The following MARK4 variants were observed in gnomAD, a reference collection of about 807,000 sequenced individuals.
The protein encoded by MARK4 is MAP/microtubule affinity-regulating kinase 4.
Under a neutral mutation model 81.5 loss-of-function variants are expected in MARK4, and 19 were observed. The ratio of observed to expected loss-of-function variants is 0.23; its 90% CI spans 0.16 to 0.34. The LOEUF (loss-of-function observed/expected upper bound fraction) is 0.34, where lower values mean the gene tolerates loss of function less well. Ranked by LOEUF, MARK4 falls within the 10% of genes least tolerant of loss-of-function variation. MARK4 has a pLI of 1.00. For synonymous variants in MARK4, 436 were observed against 439.0 expected, an observed-to-expected ratio of 0.99 and a Z score of 0.08; for missense variants, 772 against 1,058.8, an observed-to-expected ratio of 0.73 and a Z score of 3.76.
chr19:45,278,357 G>A (rs557866202), intron 9 of MARK4, among the ~76,000 whole-genome samples, 159 bp from the exon 10 acceptor site: 1 of 152,260 alleles, frequency 6.6e-6, no homozygotes, highest in African/African-American at 2.4e-5. Flanking sequence ...GGCTCCGGCA[G>A]GGGACGTGGG....
chr19:45,265,662 G>T (rs925160735), intron 6 of MARK4, among the ~76,000 whole-genome samples: 21 of 150,716 alleles, frequency 1.4e-4, no homozygotes, highest in Admixed American at 7.3e-4. Flanking sequence ...GTATGAAGGT[G>T]CCCAGGTGTG....
chr19:45,262,037 T>G (rs115011189), intron 2 of MARK4, among the ~76,000 whole-genome samples: 1 of 152,122 alleles, frequency 6.6e-6, no homozygotes, highest in African/African-American at 2.4e-5. Context: ...AAGTTGTGTT[T>G]AAGAGGTAGA....
chr19:45,300,206 G>GT (rs1268639805), intron 16 of MARK4, among the ~76,000 whole-genome samples: 2 of 152,044 alleles, frequency 1.3e-5, no homozygotes, highest in Non-Finnish European at 2.9e-5. Flanking sequence ...TTAGCCGGGC[G>GT]TAGTGGCGCA....
At chr19:45,295,921 T>TA (rs1970881479) in intron 14 of MARK4, among the ~76,000 whole-genome samples, 1 of 152,180 alleles carries the variant, frequency 6.6e-6, no homozygotes, top group South Asian at 2.1e-4. Context: ...TTTTGGTGGT[T>TA]ATCAAATAAC....
At position 45,294,459 on chromosome 19, in the gene MARK4, AG is replaced by A. The variant is rs1331155621; in HGVS notation, c.1598+12del. The A allele has an allele frequency of 6.8e-6, 11 of 1,612,272 alleles. No individual in the cohort carries two copies. Among genetic ancestry groups the A allele is most frequent in the Admixed American group, 1.7e-5 (1 of 59,944 alleles). On this transcript the variant is annotated splice_region_variant and intron_variant, in intron 14 of 16. Transcript: ENST00000262891. The stretch of plus-strand genomic sequence containing the variant: ...CAAATGGGAAAGAAAACAGGTACGG[AG>A]GGGGCAGCAACAGGGTGAGGGGTGG...
At chr19:45,268,450 G>A (rs1358741586) in intron 7 of MARK4, among the ~76,000 whole-genome samples, 1 of 151,986 alleles carries the variant, frequency 6.6e-6, no homozygotes, top group African/African-American at 2.4e-5. Flanking sequence ...TGGTCGTTGT[G>A]GCGCGTGCCT....
intron 13 of MARK4, 117 bp downstream of exon 13, chr19:45,287,781 CCATT>C: frequency 4.3e-6 from 5 of 1,167,106 alleles, no homozygotes; most frequent in Middle Eastern, 1.9e-4. Flanking sequence ...CTTCTTCTAC[CCATT>C]CATTCATTCA....
At chr19:45,277,063 TG>T (rs1970607345) in intron 8 of MARK4, among the ~76,000 whole-genome samples, 1 of 151,876 alleles carries the variant, frequency 6.6e-6, no homozygotes, top group African/African-American at 2.4e-5. Context: ...CCCTCTTACC[TG>T]ACTTAGAGAA....
intron 14 of MARK4, among the ~76,000 whole-genome samples, chr19:45,296,074 A>G (rs1221780855): frequency 1.3e-5 from 2 of 152,144 alleles, no homozygotes; most frequent in Non-Finnish European, 2.9e-5. Flanking sequence ...AGGTTAAGTA[A>G]CTTATCCAAG....
chr19:45,288,702 T>A (rs996452350), intron 13 of MARK4: 1 of 141,584 alleles, frequency 7.1e-6, no homozygotes, highest in Non-Finnish European at 1.5e-5. Flanking sequence ...TACAAAAAAT[T>A]AGCTGGGCAT....
rs576947626 is a variant in MARK4 at position 45,281,347 on chromosome 19, CCTTTT to C, written c.1276+628_1276+632del. On this transcript the variant is annotated intron_variant, in intron 12 of 16. Transcript: ENST00000262891. ...TACAGGTGTGAGCCACTGTGCCCAG[CCTTTT>C]CTTTTCTTTTCTTTCTTTTTTTTTT... Among the ~76,000 whole-genome samples the C allele has an allele frequency of 2.8e-3, 400 of 140,674 alleles. 3 individuals carry two copies. The highest frequency in any genetic ancestry group is 8.5e-3 in the African/African-American group (304 of 35,728). 92.3% of individuals were successfully genotyped at this position (140,674 alleles called of 152,430 possible).
At chr19:45,286,046 G>T (rs1007071118) in intron 12 of MARK4, among the ~76,000 whole-genome samples, 6 of 152,072 alleles carry the variant, frequency 3.9e-5, no homozygotes, top group African/African-American at 1.4e-4. Context: ...AACTGTTACG[G>T]TTTTTTGTTG....
chr19:45,257,816 A>G (rs1970328796), intron 1 of MARK4, among the ~76,000 whole-genome samples: 2 of 151,612 alleles, frequency 1.3e-5, no homozygotes, highest in African/African-American at 2.4e-5. Flanking sequence ...CAGCCTCCCA[A>G]GTAGCTGGGA....
At chr19:45,266,172 G>T in intron 6 of MARK4, 53 bp from the exon 7 acceptor site, 1 of 1,582,784 alleles carries the variant, frequency 6.3e-7, no homozygotes, top group Non-Finnish European at 8.7e-7. Flanking sequence ...TCCACTGAGG[G>T]AGGCTGAGGG....
chr19:45,265,145 C>T lies in MARK4; in HGVS notation c.492+235C>T, dbSNP rs185147829. Among the ~76,000 whole-genome samples, 11 of 152,258 alleles carry T rather than the reference C, an allele frequency of 7.2e-5. No individual in the cohort carries two copies. In the East Asian group the frequency reaches 9.7e-4, roughly 13 times the overall value. The stretch of plus-strand genomic sequence containing the variant: ...GTGAGAGGATGTTTGGGCATGAAGG[C>T]GCCCCGGTGGGCAGGTGTTGCATGT... On this transcript the variant is annotated intron_variant, in intron 6 of 16. Transcript: ENST00000262891.
At chr19:45,292,789 T>C (rs1429659038) in intron 13 of MARK4, among the ~76,000 whole-genome samples, 1 of 151,970 alleles carries the variant, frequency 6.6e-6, no homozygotes, top group African/African-American at 2.4e-5. Context: ...AAGGATCCAC[T>C]TGAGGCCAGG....
intron 6 of MARK4, among the ~76,000 whole-genome samples, chr19:45,265,468 TAGTG>T (rs901453442): frequency 2.7e-5 from 4 of 150,332 alleles, no homozygotes; most frequent in African/African-American, 7.4e-5. Flanking sequence ...AGGTGTGTGG[TAGTG>T]AGGACACCCA....
At chr19:45,297,625 G>T in intron 14 of MARK4, 51 bp from the exon 15 acceptor site, 1 of 1,245,442 alleles carries the variant, frequency 8.0e-7, no homozygotes. Context: ...AGGGACTGGG[G>T]CCCTGGCCTG....
chr19:45,299,751 T>C, intron 15 of MARK4, 60 bp from the exon 16 acceptor site: 3 of 1,484,160 alleles, frequency 2.0e-6, no homozygotes, highest in South Asian at 2.6e-5. Context: ...AGGCAGTGGG[T>C]TGCGGGAGGT....
Sources: gnomAD v4.1 joint callset for allele counts (sites outside exome capture counted in the v4.1 genomes callset) on GRCh38, gnomAD v4.1.1 for gene constraint, MANE v1.5 for transcripts, NCBI Gene and HGNC (gene_info 2026-07-23, HGNC 2026-07-21) for gene names.